The following ERVMER34-1 variants were observed in gnomAD, a reference collection of about 807,000 sequenced individuals.
The protein encoded by ERVMER34-1 is endogenous retrovirus group MER34 member 1, envelope.
For synonymous variants in ERVMER34-1, 199 were observed against 111.7 expected (o/e 1.78, Z -4.93); for missense variants, 471 against 295.1 (o/e 1.60, Z -4.37).
At chr4:52,751,132 C>T (rs887657613) in intron 1 of ERVMER34-1, 63 bp from the exon 2 acceptor site, 6 of 152,216 alleles carry the variant, frequency 3.9e-5, no homozygotes, top group African/African-American at 1.4e-4. Flanking sequence ...CTCCCAGCGG[C>T]TCCGCAGGAC....
rs1716132829 is a variant in ERVMER34-1 at position 52,745,612 on chromosome 4, G to A, written c.-92C>T. ...GTTTTGTTTAAATTTCTAAGTCAGA[G>A]AATTTTCCAGGTTGAGGAGGGAAGA... is the stretch of plus-strand genomic sequence containing the variant. On this transcript the variant is annotated 5_prime_UTR_variant, in exon 3 of 3. Coordinates refer to ENST00000443173, the MANE Select transcript of ERVMER34-1 (RefSeq NM_001242690.2). 3.2e-6 allele frequency: 2 copies of A among 628,392 alleles called. No individual in the cohort carries two copies. The highest frequency in any genetic ancestry group is 1.9e-5 in the South Asian group (1 of 52,668). 38.9% of individuals were successfully genotyped at this position (628,392 alleles called of 1,614,324 possible).
rs13119273 is a variant in ERVMER34-1 at position 52,743,615 on chromosome 4, C to T, written c.*214G>A. On this transcript the variant is annotated 3_prime_UTR_variant, in exon 3 of 3. Coordinates refer to ENST00000443173, the MANE Select transcript of ERVMER34-1 (RefSeq NM_001242690.2). ...CAAGGGGTAAGGGTTTACAGATCAG[C>T]TTTATGGTGTGTGTCTTAAGGCTTC... 8,349 of 507,526 alleles carry T rather than the reference C, an allele frequency of 0.016. 108 individuals are homozygous for T. The highest frequency in any genetic ancestry group is 0.019 in the Non-Finnish European group (5,463 of 291,678). The allele number at this position is 507,526 out of a possible 1,614,324, so 31.4% of individuals were successfully genotyped here.
In ERVMER34-1 at chr4:52,743,975, G is replaced by C; in HGVS notation, c.1546C>G (p.Arg516Gly). 1.2e-6 allele frequency: 1 copy of C among 813,886 alleles called. No individual in the cohort carries two copies. The highest frequency in any genetic ancestry group is 2.1e-6 in the Non-Finnish European group (1 of 485,554). 50.4% of individuals were successfully genotyped at this position (813,886 alleles called of 1,614,324 possible). ...AGAGGTTGGGAGTTAAGGGATCTGC[G>C]AGATTTGCGAAAGACACGAACATAG... ...LIYVRVFRKS[R>G]RSLNSQPLNL... The change falls in exon 3 of 3, where the codon CGC (arginine) becomes GGC (glycine). Residue 516 changes from arginine to glycine, a missense_variant. Physicochemically the swap from Arg to Gly is moderately radical, Grantham distance 125. Coordinates refer to ENST00000443173, the MANE Select transcript of ERVMER34-1 (RefSeq NM_001242690.2).
intron 2 of ERVMER34-1, among the ~76,000 whole-genome samples, chr4:52,746,627 G>T (rs1365704126): frequency 6.6e-6 from 1 of 152,164 alleles, no homozygotes; most frequent in Non-Finnish European, 1.5e-5. Flanking sequence ...TAGTTGGATA[G>T]CACAGTCCAT....
Position 52,745,475 on chromosome 4 carries a change from C to T in ERVMER34-1, c.46G>A (p.Ala16Thr), listed in dbSNP as rs892704368. 1.4e-6 allele frequency: 1 copy of T among 704,022 alleles called. No homozygotes were observed. The highest frequency in any genetic ancestry group is 2.6e-6 in the Non-Finnish European group (1 of 385,000). 43.6% of individuals were successfully genotyped at this position (704,022 alleles called of 1,614,324 possible). Residue 16 changes from alanine (A) to threonine (T), a missense_variant, in exon 3 of 3, where the codon GCT becomes ACT. Ala to Thr is a moderately conservative substitution (Grantham distance 58). Coordinates refer to ENST00000443173, the MANE Select transcript of ERVMER34-1 (RefSeq NM_001242690.2). ...NYALLQLTLT[A>T]FLTILVQPQH... The stretch of plus-strand genomic sequence containing the variant: ...GGTTGTACTAGAATTGTCAAAAAAG[C>T]AGTAAGGGTTAGTTGAAGCAGGGCA...
intron 2 of ERVMER34-1, chr4:52,748,187 C>A: frequency 3.9e-6 from 1 of 254,484 alleles, no homozygotes. Flanking sequence ...TTAAGTAAGT[C>A]TCCATAAAAC....
At position 52,743,602 on chromosome 4, in the gene ERVMER34-1, G is replaced by T. The variant is rs67541691; in HGVS notation, c.*227C>A. ...GCTCTCTGAACAGCAAGGGGTAAGG[G>T]TTTACAGATCAGCTTTATGGTGTGT... is the stretch of plus-strand genomic sequence containing the variant. On this transcript the variant is annotated 3_prime_UTR_variant, in exon 3 of 3. Coordinates refer to ENST00000443173, the MANE Select transcript of ERVMER34-1 (RefSeq NM_001242690.2). 0.12 allele frequency: 53,280 copies of T among 459,394 alleles called. 3,264 individuals are homozygous for T. The highest frequency in any genetic ancestry group is 0.16 in the East Asian group (4,914 of 30,152). The allele number at this position is 459,394 out of a possible 1,614,324, so 28.5% of individuals were successfully genotyped here. A position where few individuals can be genotyped will look rare whatever the true frequency, so the allele number is the denominator to read the frequency against.
Position 52,744,804 on chromosome 4 carries a change from A to C in ERVMER34-1, c.717T>G (p.Leu239=). The change falls in exon 3 of 3, where the codon CTT becomes CTG. Residue 239 remains leucine, a synonymous_variant. Coordinates refer to ENST00000443173, the MANE Select transcript of ERVMER34-1 (RefSeq NM_001242690.2). The part of the protein sequence containing the change: ...LYSCQNQTKG[L]LYQLFRNLFC... ...ATAGGTTGCGAAATAGCTGGTACAG[A>C]AGGCCTTTGGTTTGGTTTTGGCAGC... 1 of 704,116 alleles carries C rather than the reference A, an allele frequency of 1.4e-6. No individual in the cohort carries two copies. The highest frequency in any genetic ancestry group is 1.5e-5 in the South Asian group (1 of 67,594). 43.6% of individuals were successfully genotyped at this position (704,116 alleles called of 1,614,324 possible).
In ERVMER34-1 at chr4:52,748,963, C is replaced by T. The variant is rs993388568; in HGVS notation, c.-424+1967G>A. 3.3e-5 allele frequency among the ~76,000 whole-genome samples: 5 copies of T among 152,050 alleles called. No individual in the cohort carries two copies. In the East Asian group the frequency reaches 9.6e-4, roughly 29 times the overall value. On this transcript the variant is annotated intron_variant, in intron 2 of 2. Coordinates refer to ENST00000443173, the MANE Select transcript of ERVMER34-1 (RefSeq NM_001242690.2). Reference sequence around the variant, plus strand: ...ATCGAACACCTGGGCTCAAGAGATCCTCCCACCTCAGTCTCCCCTGTAGCT... The same window carrying T: ...ATCGAACACCTGGGCTCAAGAGATCTTCCCACCTCAGTCTCCCCTGTAGCT...
At chr4:52,749,333 A>G (rs1716225450) in intron 2 of ERVMER34-1, among the ~76,000 whole-genome samples, 1 of 152,126 alleles carries the variant, frequency 6.6e-6, no homozygotes, top group Non-Finnish European at 1.5e-5. Flanking sequence ...GTTCCATAAA[A>G]GAGTGCCTTT....
In ERVMER34-1 at chr4:52,745,340, C is replaced by G; in HGVS notation, c.181G>C (p.Val61Leu). 1.4e-6 allele frequency: 1 copy of G among 704,016 alleles called. No homozygotes were observed. Among genetic ancestry groups the G allele is most frequent in the Non-Finnish European group, 2.6e-6 (1 of 385,004 alleles). 43.6% of individuals were successfully genotyped at this position (704,016 alleles called of 1,614,324 possible). Residue 61 changes from valine (V) to leucine (L), a missense_variant, in exon 3 of 3, where the codon GTT becomes CTT. Physicochemically the swap from Val to Leu is conservative, Grantham distance 32. Coordinates refer to ENST00000443173, the MANE Select transcript of ERVMER34-1 (RefSeq NM_001242690.2). ...DNAEQPELVFVPASASTWWTY... is the reference protein window; with the variant it reads ...DNAEQPELVFLPASASTWWTY... ...CACCAGGTGCTTGCACTGGCAGGAA[C>G]AAAAACTAGTTCGGGTTGTTCTGCA...
At position 52,744,631 on chromosome 4, in the gene ERVMER34-1, A is replaced by G; in HGVS notation, c.890T>C (p.Leu297Pro). 1.4e-6 allele frequency: 1 copy of G among 704,052 alleles called. No homozygotes were observed. Among genetic ancestry groups the G allele is most frequent in the Non-Finnish European group, 2.6e-6 (1 of 384,996 alleles). 43.6% of individuals were successfully genotyped at this position (704,052 alleles called of 1,614,324 possible). ...CACCCCATTGCCGCACAAAAAAAAG[A>G]GGCCAGAGTTGTTCACAGACAAGGT... ...NLTLSVNNSGLFFLCGNGVYK... is the reference protein window; with the variant it reads ...NLTLSVNNSGPFFLCGNGVYK... Residue 297 changes from leucine (L) to proline (P), a missense_variant, in exon 3 of 3, where the codon CTC becomes CCC. By Grantham distance (98) the Leu-to-Pro change is moderately conservative (BLOSUM62 -3). Transcript: ENST00000443173.
rs1716127125 is a variant in ERVMER34-1 at position 52,745,402 on chromosome 4, T to C, written c.119A>G (p.Asn40Ser). Reference protein sequence around the residue: ...PVFRTLSILTNQSNCWLCEHL... With the variant: ...PVFRTLSILTSQSNCWLCEHL... ...TTCACATAACCAGCAATTAGACTGA[T>C]TAGTCAAGATAGATAGTGTCCGGAA... The change falls in exon 3 of 3, where the codon AAT becomes AGT. Residue 40 changes from asparagine to serine, a missense_variant. By Grantham distance (46) the Asn-to-Ser change is conservative. Transcript: ENST00000443173. 1 of 703,964 alleles carries C rather than the reference T, an allele frequency of 1.4e-6. No individual in the cohort carries two copies. The highest frequency in any genetic ancestry group is 2.0e-5 in the Admixed American group (1 of 49,990). The allele number at this position is 703,964 out of a possible 1,614,324, so 43.6% of individuals were successfully genotyped here.
chr4:52,748,941 G>A (rs1003209088), intron 2 of ERVMER34-1, among the ~76,000 whole-genome samples: 1 of 151,668 alleles, frequency 6.6e-6, no homozygotes, highest in African/African-American at 2.4e-5. Flanking sequence ...CTGCAGCATC[G>A]AACACCTGGG....
At chr4:52,747,521 C>T (rs147242071) in intron 2 of ERVMER34-1, among the ~76,000 whole-genome samples, 2 of 152,324 alleles carry the variant, frequency 1.3e-5, no homozygotes, top group Admixed American at 6.5e-5. Context: ...AAGCTGTTCA[C>T]CCTGCCCTGC....
In ERVMER34-1 at chr4:52,746,710, G is replaced by C. The variant is rs144115905; in HGVS notation, c.-423-767C>G. ...AAAGTCCATTTAGAGTACCATAAAA[G>C]GCAGTGTGGGTCTTGGAAGACTCTT... On this transcript the variant is annotated intron_variant, in intron 2 of 2. Coordinates refer to ENST00000443173, the MANE Select transcript of ERVMER34-1 (RefSeq NM_001242690.2). 1.1e-4 allele frequency among the ~76,000 whole-genome samples: 16 copies of C among 152,186 alleles called. 3 individuals are homozygous for C. Among genetic ancestry groups the C allele is most frequent in the African/African-American group, 3.9e-4 (16 of 41,530 alleles).
chr4:52,742,824 G>C lies in ERVMER34-1; in HGVS notation c.*1005C>G, dbSNP rs895906776. 1 of 151,370 alleles carries C rather than the reference G, an allele frequency of 6.6e-6. No individual in the cohort carries two copies. The highest frequency in any genetic ancestry group is 1.5e-5 in the Non-Finnish European group (1 of 68,036). 9.4% of individuals were successfully genotyped at this position (151,370 alleles called of 1,614,324 possible). A position where few individuals can be genotyped will look rare whatever the true frequency, so the allele number is the denominator to read the frequency against. On this transcript the variant is annotated 3_prime_UTR_variant, in exon 3 of 3. Coordinates refer to ENST00000443173, the MANE Select transcript of ERVMER34-1 (RefSeq NM_001242690.2). ...TCCCAGCTACTCAGGAGGGAGGCAG[G>C]AGAATGGCATGAACCCAAGGGGGCA...
chr4:52,744,093 C>A lies in ERVMER34-1; in HGVS notation c.1428G>T (p.Trp476Cys). 1 of 704,140 alleles carries A rather than the reference C, an allele frequency of 1.4e-6. No individual in the cohort carries two copies. The highest frequency in any genetic ancestry group is 2.7e-5 in the East Asian group (1 of 37,286). 43.6% of individuals were successfully genotyped at this position (704,140 alleles called of 1,614,324 possible). The change falls in exon 3 of 3, where the codon TGG (tryptophan) becomes TGT (cysteine). Residue 476 changes from tryptophan (W) to cysteine (C), a missense_variant. Trp to Cys is a radical substitution (Grantham distance 215). Transcript: ENST00000443173. ...CTCCCACTTTTGCAAATATGCCTTGCCAATCAAGTAACGGTACATTCTTCA... is the reference window on the plus strand; with the variant it reads ...CTCCCACTTTTGCAAATATGCCTTGACAATCAAGTAACGGTACATTCTTCA... ...ENLKNVPLLD[W>C]QGIFAKVGDW...
Position 52,750,123 on chromosome 4 carries a change from C to T in ERVMER34-1, c.-424+807G>A, listed in dbSNP as rs565463405. 5.9e-5 allele frequency among the ~76,000 whole-genome samples: 9 copies of T among 152,242 alleles called. No individual in the cohort carries two copies. The East Asian group carries it at 1.2e-3, about 20-fold the overall frequency. On this transcript the variant is annotated intron_variant, in intron 2 of 2. Transcript: ENST00000443173. ...AAGCAATTCTCCTGCCTCAGCCTCC[C>T]GGCTAGCTGGAATTACAGGCATGCA...
Sources: allele counts gnomAD v4.1 joint callset (sites outside exome capture counted in the v4.1 genomes callset), GRCh38; gene constraint gnomAD v4.1.1; transcripts MANE v1.5; gene names NCBI Gene and HGNC (gene_info 2026-07-23, HGNC 2026-07-21).